The following GADL1 variants were observed in gnomAD, a reference collection of about 807,000 sequenced individuals.
The protein encoded by GADL1 is GAD like acidic amino acid decarboxylase 1.
Under a neutral mutation model 69.5 loss-of-function variants are expected in GADL1, and 71 were observed. That is an observed-to-expected ratio of 1.02 (90% CI 0.84 to 1.25). The LOEUF (loss-of-function observed/expected upper bound fraction) is 1.25, where lower values mean the gene tolerates loss of function less well. GADL1 is among the 50% of genes most tolerant of loss of function. GADL1 has a pLI of 0.00. For synonymous variants in GADL1, 254 were observed against 214.4 expected (o/e 1.18, Z -1.62); for missense variants, 737 against 631.8 (o/e 1.17, Z -1.79).
intron 13 of GADL1, among the ~76,000 whole-genome samples, chr3:30,781,238 G>A (rs1292968691): frequency 2.0e-5 from 3 of 152,098 alleles, no homozygotes; most frequent in African/African-American, 4.8e-5. Context: ...TTCTATACCG[G>A]TTTTCAAACA....
intron 6 of GADL1, among the ~76,000 whole-genome samples, chr3:30,849,185 G>A (rs1049545697): frequency 5.3e-5 from 8 of 152,124 alleles, no homozygotes; most frequent in East Asian, 3.9e-4. Context: ...TGAGCCACTC[G>A]TAGATGGGCC....
chr3:30,803,558 C>CA (rs1428601343), intron 11 of GADL1, among the ~76,000 whole-genome samples: 1 of 152,160 alleles, frequency 6.6e-6, no homozygotes, highest in Non-Finnish European at 1.5e-5. Flanking sequence ...TATCAGAAGA[C>CA]AAATTGTATC....
At chr3:30,835,483 G>T (rs1697859459) in intron 9 of GADL1, among the ~76,000 whole-genome samples, 1 of 151,954 alleles carries the variant, frequency 6.6e-6, no homozygotes, top group Non-Finnish European at 1.5e-5. Context: ...TGGGCCCATT[G>T]GTAGCCAATA....
chr3:30,750,014 A>C (rs1695778090), intron 14 of GADL1, among the ~76,000 whole-genome samples: 1 of 152,178 alleles, frequency 6.6e-6, no homozygotes, highest in African/African-American at 2.4e-5. Flanking sequence ...GCTGTCATTC[A>C]ATCAGCTGTG....
intron 11 of GADL1, among the ~76,000 whole-genome samples, chr3:30,824,874 T>G (rs955149615): frequency 2.6e-5 from 4 of 151,966 alleles, no homozygotes. Flanking sequence ...CTGTTCACAT[T>G]ATAATAAATC....
intron 14 of GADL1, among the ~76,000 whole-genome samples, chr3:30,774,695 A>C (rs1430536061): frequency 6.6e-6 from 1 of 152,112 alleles, no homozygotes; most frequent in Non-Finnish European, 1.5e-5. Context: ...GTTGCCTTTT[A>C]CAAAACTGTA....
At chr3:30,808,744 T>G (rs1458005112) in intron 11 of GADL1, among the ~76,000 whole-genome samples, 1 of 152,234 alleles carries the variant, frequency 6.6e-6, no homozygotes, top group Non-Finnish European at 1.5e-5. Flanking sequence ...TTCATTTCTC[T>G]AAATGCAAGT....
chr3:30,884,627 C>G (rs1698680452), intron 1 of GADL1, among the ~76,000 whole-genome samples: 1 of 151,990 alleles, frequency 6.6e-6, no homozygotes, highest in Non-Finnish European at 1.5e-5. Flanking sequence ...TTGATACCGC[C>G]CTTTTTCAGT....
chr3:30,800,956 T>C lies in GADL1; in HGVS notation c.1183A>G (p.Met395Val), dbSNP rs780428146. 25 of 1,613,836 alleles carry C rather than the reference T, an allele frequency of 1.5e-5. No individual in the cohort carries two copies. Among genetic ancestry groups the C allele is most frequent in the Non-Finnish European group, 2.1e-5 (25 of 1,179,930 alleles). ...AATGTACCCAGGGCCTTCCAGGTCA[T>C]CCAGAACTTGAATGCATCTGGTCTT... ...SRRPDAFKFW[M>V]TWKALGTLGL... Residue 395 changes from methionine (M) to valine (V), a missense_variant, in exon 12 of 15, where the codon ATG (methionine) becomes GTG (valine). Coordinates refer to ENST00000282538, the MANE Select transcript of GADL1 (RefSeq NM_207359.3).
intron 13 of GADL1, among the ~76,000 whole-genome samples, chr3:30,785,806 A>C (rs777575788): frequency 2.7e-5 from 4 of 146,280 alleles, no homozygotes; most frequent in Non-Finnish European, 4.4e-5. Flanking sequence ...TTTCTTAAAA[A>C]CCAGAATTAC....
chr3:30,767,733 AC>A (rs1044704939), intron 14 of GADL1, among the ~76,000 whole-genome samples: 5 of 152,160 alleles, frequency 3.3e-5, no homozygotes, highest in Admixed American at 2.6e-4. Flanking sequence ...AGATTTGAAT[AC>A]ATAAAAAATT....
Position 30,850,915 on chromosome 3 carries a change from AAC to A in GADL1, c.453_454del (p.Phe152SerfsTer13), listed in dbSNP as rs1698136889. The stretch of plus-strand genomic sequence containing the variant: ...CAGAACCGCTTCTTCCACTAACAGA[AAC>A]ACTGGGGACACCTCATACGTATAAC... On this transcript the variant is annotated frameshift_variant, in exon 5 of 15. Coordinates refer to ENST00000282538, the MANE Select transcript of GADL1 (RefSeq NM_207359.3). LOFTEE classifies it high-confidence loss of function. 7 of 1,548,144 alleles carry A rather than the reference AAC, an allele frequency of 4.5e-6. No individual in the cohort carries two copies. The highest frequency in any genetic ancestry group is 6.1e-6 in the Non-Finnish European group (7 of 1,143,896).
At chr3:30,824,285 AAATT>A (rs1364759791) in intron 11 of GADL1, among the ~76,000 whole-genome samples, 1 of 151,774 alleles carries the variant, frequency 6.6e-6, no homozygotes, top group Non-Finnish European at 1.5e-5. Context: ...AAGAGAAAAA[AAATT>A]AATTAGAAAA....
At chr3:30,736,581 C>A (rs567483479) in intron 14 of GADL1, among the ~76,000 whole-genome samples, 1 of 152,214 alleles carries the variant, frequency 6.6e-6, no homozygotes, top group East Asian at 1.9e-4. Context: ...TGAACATTTG[C>A]AAGTGCTATG....
chr3:30,839,615 G>A (rs549100636), intron 8 of GADL1, among the ~76,000 whole-genome samples: 1 of 150,928 alleles, frequency 6.6e-6, no homozygotes, highest in Non-Finnish European at 1.5e-5. Flanking sequence ...AACAAAGAAT[G>A]TAGAATATTC....
At chr3:30,825,638 G>A (rs1697668437) in intron 11 of GADL1, among the ~76,000 whole-genome samples, 1 of 149,856 alleles carries the variant, frequency 6.7e-6, no homozygotes, top group Admixed American at 6.8e-5. Flanking sequence ...TATCAGAGTA[G>A]CGATAAAAGA....
At chr3:30,730,845 G>A (rs944104985) in intron 14 of GADL1, among the ~76,000 whole-genome samples, 3 of 152,114 alleles carry the variant, frequency 2.0e-5, no homozygotes, top group Non-Finnish European at 4.4e-5. Context: ...ATGGGTCTGC[G>A]TGCATAAGCA....
At chr3:30,753,760 C>CTT (rs1304852492) in intron 14 of GADL1, among the ~76,000 whole-genome samples, 1 of 127,384 alleles carries the variant, frequency 7.9e-6, no homozygotes, top group Non-Finnish European at 1.5e-5. Context: ...TTTAACTAAA[C>CTT]TTACAAATAC....
intron 12 of GADL1, chr3:30,799,179 T>A (rs1697111521): frequency 6.6e-6 from 1 of 152,218 alleles, no homozygotes; most frequent in African/African-American, 2.4e-5. Flanking sequence ...CACATTTCCC[T>A]TCCACACTGC....
Sources: gnomAD v4.1 joint callset for allele counts (sites outside exome capture counted in the v4.1 genomes callset) on GRCh38, gnomAD v4.1.1 for gene constraint, MANE v1.5 for transcripts, NCBI Gene and HGNC (gene_info 2026-07-23, HGNC 2026-07-21) for gene names.